The following OXR1 variants were observed in gnomAD, a reference collection of about 807,000 sequenced individuals.
OXR1 encodes the protein oxidation resistance protein 1.
OXR1 carries 41 observed loss-of-function variants against 104.6 expected under a neutral mutation model. That is an observed-to-expected ratio of 0.39 (90% CI 0.31 to 0.51). The LOEUF (loss-of-function observed/expected upper bound fraction) is 0.51. OXR1 is among the 20% of genes least tolerant of loss of function. The pLI, the probability that OXR1 is intolerant of heterozygous loss-of-function variation, is 0.77. For missense variants in OXR1, 955 were observed against 1,031.9 expected, an observed-to-expected ratio of 0.93 and a Z score of 1.02; for synonymous variants, 348 against 348.4, an observed-to-expected ratio of 1.00 and a Z score of 0.01.
chr8:106,658,205 G>A, intron 3 of OXR1: 1 of 1,234,836 alleles, frequency 8.1e-7, no homozygotes, highest in Non-Finnish European at 1.0e-6. Context: ...CCTTTCTTTC[G>A]CCTCCCGCGC....
At chr8:106,689,456 G>T (rs574894338) in intron 6 of OXR1, among the ~76,000 whole-genome samples, 1 of 152,120 alleles carries the variant, frequency 6.6e-6, no homozygotes, top group African/African-American at 2.4e-5. Context: ...CTGAGATACT[G>T]GAGGTTAGGG....
At chr8:106,482,206 T>G (rs1288637134) in intron 2 of OXR1, among the ~76,000 whole-genome samples, 3 of 151,932 alleles carry the variant, frequency 2.0e-5, no homozygotes, top group African/African-American at 7.2e-5. Context: ...TTCCGCATCT[T>G]GGTGGAGGAA....
chr8:106,391,808 A>T (rs1287813057), intron 2 of OXR1, among the ~76,000 whole-genome samples: 1 of 152,170 alleles, frequency 6.6e-6, no homozygotes, highest in Non-Finnish European at 1.5e-5. Flanking sequence ...TAAGAGAAAC[A>T]TTTAAAATAT....
At chr8:106,450,588 A>G (rs1820257888) in intron 2 of OXR1, among the ~76,000 whole-genome samples, 2 of 152,150 alleles carry the variant, frequency 1.3e-5, no homozygotes, top group South Asian at 2.1e-4. Context: ...TGGCTGATGC[A>G]GCAGCAGTGC....
At chr8:106,647,734 T>TCG (rs1824204056) in intron 3 of OXR1, among the ~76,000 whole-genome samples, 1 of 152,240 alleles carries the variant, frequency 6.6e-6, no homozygotes, top group Admixed American at 6.5e-5. Context: ...CCTCAAGCGA[T>TCG]CCTCTGGCCT....
At chr8:106,313,568 C>T (rs938741108) in intron 1 of OXR1, among the ~76,000 whole-genome samples, 5 of 152,004 alleles carry the variant, frequency 3.3e-5, no homozygotes, top group African/African-American at 1.2e-4. Context: ...ATAAGCACAG[C>T]AATTCATTGC....
At chr8:106,290,367 G>A (rs961565870) in intron 1 of OXR1, among the ~76,000 whole-genome samples, 4 of 152,134 alleles carry the variant, frequency 2.6e-5, no homozygotes, top group African/African-American at 9.7e-5. Flanking sequence ...AAACCTAGGA[G>A]ATACCCTTCT....
chr8:106,407,551 A>G (rs9297382), intron 2 of OXR1, among the ~76,000 whole-genome samples: 34,590 of 152,096 alleles, frequency 0.23, 5,588 homozygotes, highest in African/African-American at 0.44. Flanking sequence ...CCTTCATTTT[A>G]TAGACACAGG....
rs747580504 is a variant in OXR1 at position 106,713,807 on chromosome 8, T to A, written c.1794-16T>A. 6.8e-7 allele frequency: 1 copy of A among 1,479,998 alleles called. No individual in the cohort carries two copies. The highest frequency in any genetic ancestry group is 2.7e-5 in the Admixed American group (1 of 36,958). The allele number at this position is 1,479,998 out of a possible 1,614,324, so 91.7% of individuals were successfully genotyped here. A position where few individuals can be genotyped will look rare whatever the true frequency, so the allele number is the denominator to read the frequency against. On this transcript the variant is annotated splice_polypyrimidine_tract_variant and intron_variant, in intron 10 of 16. Coordinates refer to ENST00000517566, the MANE Select transcript of OXR1 (RefSeq NM_001198533.2). ...CACAGAATACTAGGTATATTAATAG[T>A]CACTTCTCCTAACAGGACAGATCAC... is the stretch of plus-strand genomic sequence containing the variant.
intron 3 of OXR1, among the ~76,000 whole-genome samples, chr8:106,674,450 T>C (rs1827359840): frequency 6.6e-6 from 1 of 152,214 alleles, no homozygotes; most frequent in Non-Finnish European, 1.5e-5. Flanking sequence ...CTTTTGATTT[T>C]ACAGGCTTAT....
intron 2 of OXR1, among the ~76,000 whole-genome samples, chr8:106,412,867 C>T (rs529819162): frequency 3.3e-5 from 5 of 151,884 alleles, no homozygotes; most frequent in South Asian, 4.2e-4. Context: ...AGGGTAATGA[C>T]GTGTACATGT....
intron 1 of OXR1, among the ~76,000 whole-genome samples, chr8:106,294,266 T>C (rs1436903410): frequency 2.0e-5 from 3 of 151,434 alleles, no homozygotes; most frequent in Non-Finnish European, 4.4e-5. Context: ...TGTGGTGGCA[T>C]GTGCCTGTGA....
intron 3 of OXR1, among the ~76,000 whole-genome samples, chr8:106,613,037 A>G (rs545488161): frequency 2.6e-5 from 4 of 152,274 alleles, no homozygotes; most frequent in African/African-American, 9.6e-5. Flanking sequence ...CAAGTTGACT[A>G]CTTATGCAGA....
At chr8:106,507,548 C>T (rs1420547612) in intron 2 of OXR1, among the ~76,000 whole-genome samples, 1 of 152,134 alleles carries the variant, frequency 6.6e-6, no homozygotes, top group Admixed American at 6.5e-5. Flanking sequence ...TTTGTGAAAG[C>T]GGTGAGTACA....
intron 1 of OXR1, among the ~76,000 whole-genome samples, chr8:106,283,127 A>G (rs928556192): frequency 6.6e-6 from 1 of 152,174 alleles, no homozygotes; most frequent in Non-Finnish European, 1.5e-5. Context: ...GATGTCAGCT[A>G]TGCAATTCCA....
intron 3 of OXR1, among the ~76,000 whole-genome samples, chr8:106,552,831 A>T (rs1815954189): frequency 6.6e-6 from 1 of 152,214 alleles, no homozygotes; most frequent in Admixed American, 6.5e-5. Context: ...TCTCTTAACA[A>T]TAGTGACATT....
At chr8:106,522,816 T>C (rs1017163034) in intron 3 of OXR1, 2 of 151,686 alleles carry the variant, frequency 1.3e-5, no homozygotes, top group African/African-American at 4.8e-5. Context: ...TAGAAAGTAC[T>C]GTATAAGTTT....
intron 1 of OXR1, among the ~76,000 whole-genome samples, chr8:106,332,666 A>G (rs1814772243): frequency 6.6e-6 from 1 of 152,164 alleles, no homozygotes; most frequent in African/African-American, 2.4e-5. Context: ...ACTTTATACA[A>G]CTTAGTGATT....
chr8:106,657,756 A>T, intron 3 of OXR1: 1 of 1,016,252 alleles, frequency 9.8e-7, no homozygotes, highest in Non-Finnish European at 1.3e-6. Flanking sequence ...CACAAGAAAA[A>T]CTTTTCGAAA....
Sources: gnomAD v4.1 joint callset for allele counts (sites outside exome capture counted in the v4.1 genomes callset) on GRCh38, gnomAD v4.1.1 for gene constraint, MANE v1.5 for transcripts, NCBI Gene and HGNC (gene_info 2026-07-23, HGNC 2026-07-21) for gene names.